SLC24A2: variants seen among roughly 807,000 people sequenced by gnomAD.
The protein encoded by SLC24A2 is solute carrier family 24 member 2, also known as sodium/potassium/calcium exchanger 2.
SLC24A2 carries 36 observed loss-of-function variants against 62.0 expected under a neutral mutation model. The observed-to-expected ratio is 0.58, with a 90% CI of 0.44 to 0.77. The LOEUF is 0.77. Among genes scored for constraint, SLC24A2 ranks in the 30% least tolerant of loss-of-function variants. The pLI, the probability that SLC24A2 is intolerant of heterozygous loss-of-function variation, is 0.00. For synonymous variants in SLC24A2, 358 were observed against 294.0 expected (o/e 1.22, Z -2.23); for missense variants, 846 against 817.9 (o/e 1.03, Z -0.42).
At chr9:19,783,486 G>A (rs1194281581) in intron 2 of SLC24A2, among the ~76,000 whole-genome samples, 1 of 152,148 alleles carries the variant, frequency 6.6e-6, no homozygotes, top group Admixed American at 6.5e-5. Flanking sequence ...AGAAAGGTAA[G>A]CTACACAGTC....
chr9:20,088,027 G>C, the SLC24A2 span, among the ~76,000 whole-genome samples: 4 of 152,320 alleles, frequency 2.6e-5, no homozygotes, highest in East Asian at 5.8e-4. Context: ...CTGACATGTA[G>C]AGATATGTAG....
chr9:20,066,906 T>C, the SLC24A2 span, among the ~76,000 whole-genome samples: 1 of 152,112 alleles, frequency 6.6e-6, no homozygotes, highest in African/African-American at 2.4e-5. Flanking sequence ...TTGTTTGGAG[T>C]GATCTAGGTC....
chr9:19,825,388 A>G, the SLC24A2 span, among the ~76,000 whole-genome samples: 1 of 152,148 alleles, frequency 6.6e-6, no homozygotes, highest in African/African-American at 2.4e-5. Flanking sequence ...TAAGGTGGGG[A>G]ACAATGGGTC....
rs1042887356 is a variant in SLC24A2 at position 19,508,053 on chromosome 9, A to G, written c.*8100T>C. ...AATTTCTCTTGCTTTTAGTGCTAGC[A>G]GCAACTTCACTGAATCAGGAAGGTA... On this transcript the variant is annotated 3_prime_UTR_variant, in exon 11 of 11. Transcript: ENST00000341998. 2 of 152,344 alleles carry G rather than the reference A, an allele frequency of 1.3e-5. No homozygotes were observed. Among genetic ancestry groups the G allele is most frequent in the South Asian group, 2.1e-4 (1 of 4,828 alleles). The allele number at this position is 152,344 out of a possible 1,614,324, so 9.4% of individuals were successfully genotyped here.
At chr9:20,226,409 T>C in the SLC24A2 span, among the ~76,000 whole-genome samples, 2 of 152,278 alleles carry the variant, frequency 1.3e-5, no homozygotes, top group Admixed American at 6.5e-5. Context: ...GTCCATTAAC[T>C]GCATACATAT....
intron 2 of SLC24A2, among the ~76,000 whole-genome samples, chr9:19,700,292 T>C (rs1044951754): frequency 2.1e-4 from 32 of 152,144 alleles, no homozygotes; most frequent in African/African-American, 7.7e-4. Context: ...ACTAAACACC[T>C]TTTGCAGGAC....
At chr9:19,688,741 G>A (rs999154382) in intron 2 of SLC24A2, among the ~76,000 whole-genome samples, 1 of 152,074 alleles carries the variant, frequency 6.6e-6, no homozygotes. Flanking sequence ...ACTGATATAA[G>A]TTTCTTATGT....
At chr9:20,156,404 G>A in the SLC24A2 span, among the ~76,000 whole-genome samples, 2 of 151,676 alleles carry the variant, frequency 1.3e-5, no homozygotes, top group African/African-American at 4.8e-5. Context: ...ATCACACAGT[G>A]AATCTATGAA....
chr9:19,746,916 T>C (rs770956128), intron 2 of SLC24A2, among the ~76,000 whole-genome samples: 2 of 152,082 alleles, frequency 1.3e-5, no homozygotes, highest in Non-Finnish European at 2.9e-5. Context: ...ATTCCAACAA[T>C]GAAATCAACA....
At chr9:19,545,074 G>T (rs935640324) in intron 8 of SLC24A2, among the ~76,000 whole-genome samples, 1 of 151,990 alleles carries the variant, frequency 6.6e-6, no homozygotes, top group Non-Finnish European at 1.5e-5. Context: ...AATCAGAGGT[G>T]GATTTGATCT....
rs936806857 is a variant in SLC24A2 at position 19,663,004 on chromosome 9, A to G, written c.931-40705T>C. Among the ~76,000 whole-genome samples the G allele has an allele frequency of 6.6e-5, 10 of 152,324 alleles. No homozygotes were observed. In the South Asian group the frequency reaches 2.1e-3, roughly 32 times the overall value. ...CATATGCTAAACAAAACGTCAGTTG[A>G]TCTTTATAACTGTGAAAGAAAATAG... is the stretch of plus-strand genomic sequence containing the variant. On this transcript the variant is annotated intron_variant, in intron 2 of 10. Transcript: ENST00000341998.
the SLC24A2 span, among the ~76,000 whole-genome samples, chr9:20,165,827 T>TCG: frequency 1.8e-4 from 27 of 151,730 alleles, no homozygotes; most frequent in Non-Finnish European, 3.7e-4. Context: ...GCATAAAAAA[T>TCG]AAACACACCA....
At chr9:19,980,742 C>A in the SLC24A2 span, among the ~76,000 whole-genome samples, 3 of 152,126 alleles carry the variant, frequency 2.0e-5, no homozygotes, top group African/African-American at 4.8e-5. Context: ...CAGGCTCAAA[C>A]AGGATTAAGC....
the SLC24A2 span, among the ~76,000 whole-genome samples, chr9:20,155,239 G>A: frequency 3.3e-5 from 5 of 151,264 alleles, no homozygotes; most frequent in Non-Finnish European, 5.9e-5. Flanking sequence ...AAATTAAAAT[G>A]CATGCCTTCT....
At chr9:19,903,035 CA>C in the SLC24A2 span, among the ~76,000 whole-genome samples, 1 of 131,624 alleles carries the variant, frequency 7.6e-6, no homozygotes, top group Non-Finnish European at 1.6e-5. Flanking sequence ...TCTTAAAAAT[CA>C]GGCTTTTTTT....
At chr9:20,269,284 T>A in the SLC24A2 span, among the ~76,000 whole-genome samples, 1 of 152,112 alleles carries the variant, frequency 6.6e-6, no homozygotes, top group Non-Finnish European at 1.5e-5. Flanking sequence ...TTTATCCCTG[T>A]TGTATAGGTA....
the SLC24A2 span, among the ~76,000 whole-genome samples, chr9:19,973,392 C>A: frequency 2.6e-5 from 4 of 152,166 alleles, no homozygotes; most frequent in Non-Finnish European, 5.9e-5. Context: ...TTAACAGACC[C>A]TACATCCAGT....
At chr9:19,785,833 G>A (rs1425514993) in intron 2 of SLC24A2, 104 bp downstream of exon 2, 64 of 1,444,070 alleles carry the variant, frequency 4.4e-5, no homozygotes, top group Non-Finnish European at 5.6e-5. Context: ...CTATCCACAA[G>A]AGCCCCAAAC....
chr9:19,691,541 G>C (rs983151811), intron 2 of SLC24A2, among the ~76,000 whole-genome samples: 1 of 152,082 alleles, frequency 6.6e-6, no homozygotes, highest in Non-Finnish European at 1.5e-5. Context: ...TTCTATCTCT[G>C]CGATTATTAA....
Sources: allele counts gnomAD v4.1 joint callset (sites outside exome capture counted in the v4.1 genomes callset), GRCh38; gene constraint gnomAD v4.1.1; transcripts MANE v1.5; gene names NCBI Gene and HGNC (gene_info 2026-07-23, HGNC 2026-07-21).